CACNA1S: variants seen among roughly 807,000 people sequenced by gnomAD.
The protein encoded by CACNA1S is voltage-dependent L-type calcium channel subunit alpha-1S.
A neutral mutation model predicts 207.4 loss-of-function variants in CACNA1S; 126 were observed. That is an observed-to-expected ratio of 0.61 (90% CI 0.53 to 0.70). The LOEUF (loss-of-function observed/expected upper bound fraction) is 0.70, where lower values mean the gene tolerates loss of function less well. Ranked by LOEUF, CACNA1S falls within the 30% of genes least tolerant of loss-of-function variation. The probability of loss-of-function intolerance (pLI) is 0.00; values close to 1 mark genes in which losing one functional copy is unlikely to be tolerated. For missense variants in CACNA1S, 2,349 were observed against 2,422.8 expected (o/e 0.97, Z 0.64); for synonymous variants, 960 against 932.7 (o/e 1.03, Z -0.53).
At chr1:201,051,192 C>T (rs1660637929) in intron 32 of CACNA1S, 49 bp from the exon 33 acceptor site, 2 of 1,607,244 alleles carry the variant, frequency 1.2e-6, no homozygotes, top group Non-Finnish European at 1.7e-6. Context: ...TGCCTGGCCC[C>T]TCAGAAGGCT....
chr1:201,049,954 T>C (rs1267231515), intron 34 of CACNA1S, among the ~76,000 whole-genome samples: 2 of 152,164 alleles, frequency 1.3e-5, no homozygotes, highest in African/African-American at 2.4e-5. Context: ...AAGAGAGCCG[T>C]GCTCTCCAAG....
intron 5 of CACNA1S, among the ~76,000 whole-genome samples, chr1:201,090,176 G>C (rs952797498): frequency 6.6e-6 from 1 of 152,182 alleles, no homozygotes; most frequent in African/African-American, 2.4e-5. Flanking sequence ...AAGATGGAAA[G>C]GAGAGGACAT....
intron 2 of CACNA1S, among the ~76,000 whole-genome samples, chr1:201,095,340 C>G (rs1662385152): frequency 6.6e-6 from 1 of 152,162 alleles, no homozygotes; most frequent in Non-Finnish European, 1.5e-5. Flanking sequence ...CAGGGGCCCA[C>G]CCCATCAGCA....
chr1:201,093,811 G>A lies in CACNA1S; in HGVS notation c.398+71C>T, dbSNP rs967577169. On this transcript the variant is annotated intron_variant, in intron 3 of 43. Transcript: ENST00000362061. Reference sequence around the variant, plus strand: ...GTCCCACCCCACCTCTAAGATGCTGGTGGTGGTGGCAGTGGGCACACAGTC... The same window carrying A: ...GTCCCACCCCACCTCTAAGATGCTGATGGTGGTGGCAGTGGGCACACAGTC... 7.0e-6 allele frequency: 11 copies of A among 1,566,088 alleles called. No individual in the cohort carries two copies. In the African/African-American group the frequency reaches 1.4e-4, roughly 19 times the overall value.
chr1:201,086,585 C>A (rs557330339), intron 7 of CACNA1S, among the ~76,000 whole-genome samples: 260 of 152,296 alleles, frequency 1.7e-3, no homozygotes, highest in Non-Finnish European at 2.9e-3. Context: ...CTAAACATAG[C>A]TAAACATAGA....
rs1661218148 is a variant in CACNA1S at position 201,065,885 on chromosome 1, T to C, written c.2806A>G (p.Thr936Ala). ...STIGNIVLVT[T>A]LLQFMFACIG... ...CAGGCAAACATGAACTGTAGGAGGGTAGTGACCAGCACGATGTTCCCGATG... is the reference window on the plus strand; with the variant it reads ...CAGGCAAACATGAACTGTAGGAGGGCAGTGACCAGCACGATGTTCCCGATG... The change falls in exon 22 of 44, where the codon ACC (threonine) becomes GCC (alanine). Residue 936 changes from threonine (T) to alanine (A), a missense_variant. By Grantham distance (58) the Thr-to-Ala change is moderately conservative. Coordinates refer to ENST00000362061, the MANE Select transcript of CACNA1S (RefSeq NM_000069.3). 2 of 1,613,644 alleles carry C rather than the reference T, an allele frequency of 1.2e-6. No individual in the cohort carries two copies. The highest frequency in any genetic ancestry group is 1.7e-6 in the Non-Finnish European group (2 of 1,179,914).
At chr1:201,069,054 C>T in intron 19 of CACNA1S, 83 bp downstream of exon 19, 2 of 1,245,318 alleles carry the variant, frequency 1.6e-6, no homozygotes, top group South Asian at 1.2e-5. Context: ...CTGCTTCTCT[C>T]CAGCCCCTGA....
intron 2 of CACNA1S, among the ~76,000 whole-genome samples, chr1:201,103,945 G>T (rs1662784796): frequency 2.6e-5 from 4 of 152,236 alleles, no homozygotes; most frequent in Admixed American, 2.6e-4. Context: ...CCACCCTGCA[G>T]CCCAGGAGGG....
intron 2 of CACNA1S, 59 bp downstream of exon 2, chr1:201,110,105 G>C: frequency 6.8e-7 from 1 of 1,463,430 alleles, no homozygotes; most frequent in South Asian, 1.1e-5. Context: ...CACCAAGGGG[G>C]CCTCCCCAAG....
intron 7 of CACNA1S, among the ~76,000 whole-genome samples, chr1:201,086,343 T>G (rs1433637194): frequency 6.6e-6 from 1 of 152,192 alleles, no homozygotes; most frequent in Non-Finnish European, 1.5e-5. Context: ...AACCATAGCA[T>G]GACAAAGAAG....
Position 201,053,354 on chromosome 1 carries a change from A to G in CACNA1S, c.3796-80T>C. On this transcript the variant is annotated intron_variant, in intron 30 of 43. Transcript: ENST00000362061. The surrounding 1 kb of genome is among the most constrained non-coding windows in gnomAD (Gnocchi z 5.1). ...CAGCCCTGCCCTCTGTTAGCTCCCC[A>G]GGGCTCTGCCTTGCCCAGGGCTCCC... The G allele has an allele frequency of 1.2e-6, 2 of 1,610,442 alleles. No individual in the cohort carries two copies. Among genetic ancestry groups the G allele is most frequent in the Non-Finnish European group, 8.5e-7 (1 of 1,177,092 alleles).
intron 12 of CACNA1S, 111 bp downstream of exon 12, chr1:201,076,806 CCAG>C: frequency 2.1e-6 from 2 of 968,152 alleles, no homozygotes; most frequent in Non-Finnish European, 3.4e-6. Context: ...TTGCACTCAA[CCAG>C]CAGATCAGAC....
chr1:201,112,147 T>A lies in CACNA1S; in HGVS notation c.152+41A>T, dbSNP rs189451087. 237 of 1,583,932 alleles carry A rather than the reference T, an allele frequency of 1.5e-4. No individual in the cohort carries two copies. The African/African-American group carries it at 3.2e-3, about 21-fold the overall frequency. On this transcript the variant is annotated intron_variant, in intron 1 of 43. Coordinates refer to ENST00000362061, the MANE Select transcript of CACNA1S (RefSeq NM_000069.3). Reference sequence around the variant, plus strand: ...GTGATCACCCCGAATCCCTCCCTCATGACGCACACCCCCCCCCACGGCCCG... The same window carrying A: ...GTGATCACCCCGAATCCCTCCCTCAAGACGCACACCCCCCCCCACGGCCCG...
intron 2 of CACNA1S, among the ~76,000 whole-genome samples, chr1:201,105,931 C>A (rs1662864376): frequency 6.6e-6 from 1 of 152,198 alleles, no homozygotes; most frequent in African/African-American, 2.4e-5. Flanking sequence ...CGCCCCTGCC[C>A]CACCCAGCCA....
intron 2 of CACNA1S, 72 bp from the exon 3 acceptor site, chr1:201,094,093 C>T (rs1490635414): frequency 5.7e-6 from 9 of 1,582,706 alleles, no homozygotes; most frequent in East Asian, 4.5e-5. Context: ...TCCCTGCAGC[C>T]GTGCTGGGTT....
chr1:201,103,261 G>A (rs952596906), intron 2 of CACNA1S, among the ~76,000 whole-genome samples: 1 of 145,310 alleles, frequency 6.9e-6, no homozygotes, highest in Non-Finnish European at 1.5e-5. Context: ...AAAAAAAAAA[G>A]AAAGAAAGAT....
chr1:201,067,660 T>C lies in CACNA1S; in HGVS notation c.2551-667A>G, dbSNP rs932532510. On this transcript the variant is annotated intron_variant, in intron 19 of 43. Coordinates refer to ENST00000362061, the MANE Select transcript of CACNA1S (RefSeq NM_000069.3). The stretch of plus-strand genomic sequence containing the variant: ...ATATCCCAGCCCAAAGGGGCCACTT[T>C]ATCCTCTCTGGCAATGTCCCCAGAT... Among the ~76,000 whole-genome samples, 13 of 152,172 alleles carry C rather than the reference T, an allele frequency of 8.5e-5. 1 individual carries two copies. Among genetic ancestry groups the C allele is most frequent in the Admixed American group, 5.9e-4 (9 of 15,280 alleles).
At chr1:201,071,413 G>A (rs780480503) in intron 16 of CACNA1S, among the ~76,000 whole-genome samples, 16 of 151,810 alleles carry the variant, frequency 1.1e-4, no homozygotes, top group Non-Finnish European at 1.6e-4. Flanking sequence ...CACATTTCAC[G>A]CTTAATCGCA....
intron 2 of CACNA1S, 51 bp downstream of exon 2, chr1:201,110,113 A>T: frequency 2.6e-6 from 4 of 1,539,142 alleles, no homozygotes; most frequent in Non-Finnish European, 3.6e-6. Context: ...GGGCCTCCCC[A>T]AGCCTGGGGC....
Sources: gnomAD v4.1 joint callset for allele counts (sites outside exome capture counted in the v4.1 genomes callset) on GRCh38, gnomAD v4.1.1 for gene constraint, Gnocchi (gnomAD v3.1) non-coding constraint, MANE v1.5 for transcripts, NCBI Gene and HGNC (gene_info 2026-07-23, HGNC 2026-07-21) for gene names.